SUCLG2: variants seen among roughly 807,000 people sequenced by gnomAD.
SUCLG2 encodes the protein succinate--CoA ligase [GDP-forming] subunit beta, mitochondrial.
In SUCLG2, 42 loss-of-function variants were observed where a neutral mutation model predicts 47.9. That is an observed-to-expected ratio of 0.88 (90% CI 0.69 to 1.14). The LOEUF (loss-of-function observed/expected upper bound fraction) is 1.14. Ranked by LOEUF, SUCLG2 falls within the 50% of genes most tolerant of loss-of-function variation. SUCLG2 has a pLI of 0.00. For missense variants in SUCLG2, 571 were observed against 525.9 expected (o/e 1.09, Z -0.84); for synonymous variants, 195 against 197.3 (o/e 0.99, Z 0.10).
chr3:67,386,483 T>A (rs181997433), intron 10 of SUCLG2, among the ~76,000 whole-genome samples: 1 of 151,684 alleles, frequency 6.6e-6, no homozygotes, highest in East Asian at 1.9e-4. Context: ...TAAAGACATA[T>A]CCAACACTGG....
chr3:67,366,423 G>A (rs1424311184), intron 10 of SUCLG2, among the ~76,000 whole-genome samples: 1 of 152,174 alleles, frequency 6.6e-6, no homozygotes, highest in Non-Finnish European at 1.5e-5. Flanking sequence ...GTTCAAGTGA[G>A]TAGTTCTAAG....
At chr3:67,475,988 CCTCTCT>C (rs113119377) in intron 9 of SUCLG2, among the ~76,000 whole-genome samples, 137 of 146,126 alleles carry the variant, frequency 9.4e-4, no homozygotes, top group Middle Eastern at 3.6e-3. Flanking sequence ...TTTCCTTCTC[CCTCTCT>C]CTCTCTCTCT....
chr3:67,412,847 T>C (rs772130943), intron 9 of SUCLG2, among the ~76,000 whole-genome samples: 1 of 152,170 alleles, frequency 6.6e-6, no homozygotes, highest in Non-Finnish European at 1.5e-5. Context: ...GAGTGTGCCA[T>C]TGTTTCCTTT....
chr3:67,467,694 T>C (rs1337128490), intron 9 of SUCLG2, among the ~76,000 whole-genome samples: 3 of 152,148 alleles, frequency 2.0e-5, no homozygotes, highest in Non-Finnish European at 4.4e-5. Flanking sequence ...TGAATAATAA[T>C]TAAATATGTA....
chr3:67,429,282 G>T (rs1486807357), intron 9 of SUCLG2, among the ~76,000 whole-genome samples: 1 of 152,212 alleles, frequency 6.6e-6, no homozygotes, highest in Non-Finnish European at 1.5e-5. Context: ...CCAGAAGATA[G>T]TGGGGGCCAA....
At chr3:67,466,955 G>A (rs902105521) in intron 9 of SUCLG2, among the ~76,000 whole-genome samples, 7 of 152,228 alleles carry the variant, frequency 4.6e-5, no homozygotes, top group African/African-American at 1.7e-4. Context: ...TCTTTCCCTG[G>A]AGGGGAAAAG....
chr3:67,484,973 G>A (rs575884033), intron 9 of SUCLG2, among the ~76,000 whole-genome samples: 1 of 152,216 alleles, frequency 6.6e-6, no homozygotes, highest in Non-Finnish European at 1.5e-5. Context: ...ATAAAGGTGA[G>A]TTCATTTTCT....
At chr3:67,543,739 T>G (rs754961128) in intron 2 of SUCLG2, among the ~76,000 whole-genome samples, 72 of 152,334 alleles carry the variant, frequency 4.7e-4, no homozygotes, top group Admixed American at 2.0e-3. Flanking sequence ...AGTAGTATTA[T>G]GGGTACAACA....
intron 10 of SUCLG2, among the ~76,000 whole-genome samples, chr3:67,378,173 T>A (rs1215405056): frequency 1.3e-5 from 2 of 152,218 alleles, no homozygotes; most frequent in African/African-American, 4.8e-5. Context: ...GAAGGCAGCT[T>A]CTAAAATGGT....
At chr3:67,623,474 C>T (rs1700770901) in intron 1 of SUCLG2, among the ~76,000 whole-genome samples, 1 of 151,652 alleles carries the variant, frequency 6.6e-6, no homozygotes. Context: ...GCACTCCAGC[C>T]TGGATGACAG....
chr3:67,649,798 A>G (rs1701254263), intron 1 of SUCLG2, among the ~76,000 whole-genome samples: 1 of 152,240 alleles, frequency 6.6e-6, no homozygotes, highest in African/African-American at 2.4e-5. Context: ...TCAAGTGACA[A>G]TTGCAGATTG....
chr3:67,617,250 T>G (rs1451947576), intron 1 of SUCLG2, among the ~76,000 whole-genome samples: 1 of 152,204 alleles, frequency 6.6e-6, no homozygotes, highest in East Asian at 1.9e-4. Flanking sequence ...AGTGGAATCC[T>G]GTTTGTGAGA....
intron 1 of SUCLG2, among the ~76,000 whole-genome samples, chr3:67,613,840 C>A (rs1173892630): frequency 6.6e-6 from 1 of 152,176 alleles, no homozygotes; most frequent in Non-Finnish European, 1.5e-5. Context: ...TGTTTGTATT[C>A]TGGTCCCAGA....
intron 9 of SUCLG2, among the ~76,000 whole-genome samples, chr3:67,464,916 G>C (rs1488440292): frequency 1.3e-5 from 2 of 152,182 alleles, no homozygotes; most frequent in Non-Finnish European, 2.9e-5. Context: ...GCATGGCATA[G>C]TGACATGGGT....
At chr3:67,571,309 C>A (rs955470138) in intron 2 of SUCLG2, among the ~76,000 whole-genome samples, 1 of 152,102 alleles carries the variant, frequency 6.6e-6, no homozygotes, top group Non-Finnish European at 1.5e-5. Context: ...CTACAATGCA[C>A]AGGACAGCCC....
intron 2 of SUCLG2, among the ~76,000 whole-genome samples, chr3:67,608,687 T>C (rs1329227198): frequency 6.6e-6 from 1 of 151,922 alleles, no homozygotes. Context: ...TTTTTTTTTT[T>C]TTTTAAGAGA....
intron 9 of SUCLG2, among the ~76,000 whole-genome samples, chr3:67,405,955 G>A (rs1224726861): frequency 6.6e-6 from 1 of 152,114 alleles, no homozygotes; most frequent in Non-Finnish European, 1.5e-5. Flanking sequence ...GGAGAATCAG[G>A]GGTTACAGCT....
intron 9 of SUCLG2, among the ~76,000 whole-genome samples, chr3:67,456,184 C>G (rs1301130328): frequency 6.6e-6 from 1 of 152,152 alleles, no homozygotes; most frequent in Non-Finnish European, 1.5e-5. Context: ...GGGATTCAGC[C>G]TGGCCTTCCT....
intron 9 of SUCLG2, among the ~76,000 whole-genome samples, chr3:67,432,419 C>A (rs1703508865): frequency 6.6e-6 from 1 of 152,224 alleles, no homozygotes. Context: ...AATACAAAGT[C>A]ACATGCACTG....
Sources: gnomAD v4.1 joint callset for allele counts (sites outside exome capture counted in the v4.1 genomes callset) on GRCh38, gnomAD v4.1.1 for gene constraint, MANE v1.5 for transcripts, NCBI Gene and HGNC (gene_info 2026-07-23, HGNC 2026-07-21) for gene names.